Variants in BST1 observed in about 807,000 individuals in gnomAD.
BST1 encodes ADP-ribosyl cyclase/cyclic ADP-ribose hydrolase 2.
A neutral mutation model predicts 40.6 loss-of-function variants in BST1; 49 were observed. That is an observed-to-expected ratio of 1.21 (90% CI 0.96 to 1.53). BST1 has a LOEUF of 1.53. Among genes scored for constraint, BST1 ranks in the 40% most tolerant of loss-of-function variants. BST1 has a pLI of 0.00. For synonymous variants in BST1, 157 were observed against 159.3 expected (o/e 0.99, Z 0.11); for missense variants, 423 against 395.9 (o/e 1.07, Z -0.58).
chr4:15,707,427 C>T lies in BST1; in HGVS notation c.316-84C>T, dbSNP rs1443758679. 6 of 1,559,438 alleles carry T rather than the reference C, an allele frequency of 3.8e-6. No homozygotes were observed. In the African/African-American group the frequency reaches 8.2e-5, roughly 21 times the overall value. On this transcript the variant is annotated intron_variant, in intron 2 of 8. Transcript: ENST00000265016. ...TCAGAGTTGAATGAGAACTGGATTG[C>T]CCAACTTGCCTTGATGATATTGTGC... is the stretch of plus-strand genomic sequence containing the variant.
chr4:15,748,260 A>G, the BST1 span, among the ~76,000 whole-genome samples: 3 of 152,160 alleles, frequency 2.0e-5, no homozygotes, highest in Non-Finnish European at 4.4e-5. Context: ...AAAATAAGGG[A>G]CAGTATTTCC....
At chr4:15,763,624 T>C in the BST1 span, among the ~76,000 whole-genome samples, 1 of 151,936 alleles carries the variant, frequency 6.6e-6, no homozygotes, top group African/African-American at 2.4e-5. Flanking sequence ...TTTTACAATT[T>C]ATTAGAGTAA....
At chr4:15,720,821 G>A (rs79925994) in intron 7 of BST1, among the ~76,000 whole-genome samples, 3 of 151,934 alleles carry the variant, frequency 2.0e-5, no homozygotes, top group Admixed American at 6.6e-5. Context: ...CCTAGCCATC[G>A]CCCCCTCAAA....
At chr4:15,768,485 T>A in the BST1 span, among the ~76,000 whole-genome samples, 1 of 140,754 alleles carries the variant, frequency 7.1e-6, no homozygotes, top group South Asian at 2.4e-4. Flanking sequence ...AGTATCTTTT[T>A]TTTTTTTTTT....
At chr4:15,718,678 C>T (rs1020866570) in intron 6 of BST1, among the ~76,000 whole-genome samples, 2 of 152,182 alleles carry the variant, frequency 1.3e-5, no homozygotes, top group African/African-American at 2.4e-5. Flanking sequence ...TCCCAGTGCT[C>T]CTGGCTGCCC....
intron 1 of BST1, 136 bp from the exon 2 acceptor site, chr4:15,705,379 G>A (rs1577564688): frequency 4.9e-6 from 5 of 1,021,944 alleles, no homozygotes; most frequent in South Asian, 1.6e-5. Context: ...ATGACAATTC[G>A]TTGTCTTTTT....
At chr4:15,715,388 A>G (rs1560281250) in intron 5 of BST1, 27 bp downstream of exon 5, 2 of 1,603,034 alleles carry the variant, frequency 1.2e-6, no homozygotes, top group Admixed American at 3.3e-5. Context: ...ATTCAAACAC[A>G]AGAGAGAATG....
At position 15,719,428 on chromosome 4, in the gene BST1, C is replaced by A. The variant is rs75210657; in HGVS notation, c.791+435C>A. On this transcript the variant is annotated intron_variant, in intron 7 of 8. Coordinates refer to ENST00000265016, the MANE Select transcript of BST1 (RefSeq NM_004334.3). ...ACCAATAGGAAAATAATAATAACTA[C>A]CACTTGGTGAGCAGCTATGGGCCAG... Among the ~76,000 whole-genome samples the A allele has an allele frequency of 7.3e-3, 1,114 of 152,194 alleles. 11 individuals carry two copies. The highest frequency in any genetic ancestry group is 0.025 in the African/African-American group (1,047 of 41,496).
chr4:15,721,460 T>C (rs745784736), intron 7 of BST1, among the ~76,000 whole-genome samples: 7 of 152,144 alleles, frequency 4.6e-5, no homozygotes, highest in East Asian at 3.9e-4. Context: ...ATATACACCA[T>C]GGAATACTAT....
chr4:15,724,281 G>A lies in BST1; in HGVS notation c.851+1347G>A, dbSNP rs187466455. Reference sequence around the variant, plus strand: ...TGCACCATCTATGCCTGTAGGATCCGTTCTTCCATCTACAAGGGAAGAGAA... The same window carrying A: ...TGCACCATCTATGCCTGTAGGATCCATTCTTCCATCTACAAGGGAAGAGAA... On this transcript the variant is annotated intron_variant, in intron 8 of 8. Transcript: ENST00000265016. 7.9e-5 allele frequency among the ~76,000 whole-genome samples: 12 copies of A among 152,318 alleles called. No individual in the cohort carries two copies. In the East Asian group the frequency reaches 1.9e-3, roughly 24 times the overall value.
chr4:15,710,206 T>C lies in BST1; in HGVS notation c.452-1601T>C, dbSNP rs550930377. On this transcript the variant is annotated intron_variant, in intron 3 of 8. Coordinates refer to ENST00000265016, the MANE Select transcript of BST1 (RefSeq NM_004334.3). ...CCAGGCTGGTCTTGAACTCCTGACT[T>C]CAAATAATCCTCCTGCCTCAGCCTC... Among the ~76,000 whole-genome samples, 4 of 152,250 alleles carry C rather than the reference T, an allele frequency of 2.6e-5. No individual in the cohort carries two copies. The East Asian group carries it at 7.7e-4, about 29-fold the overall frequency.
chr4:15,768,480 C>CT, the BST1 span, among the ~76,000 whole-genome samples: 4,113 of 91,046 alleles, frequency 0.045, 160 homozygotes, highest in African/African-American at 0.068. Flanking sequence ...TGGACAGTAT[C>CT]TTTTTTTTTT....
At chr4:15,765,317 T>C in the BST1 span, among the ~76,000 whole-genome samples, 2 of 151,996 alleles carry the variant, frequency 1.3e-5, no homozygotes, top group Admixed American at 6.5e-5. Flanking sequence ...TCCGGTCTGT[T>C]GTACCTTTAA....
At chr4:15,754,078 T>TG in the BST1 span, among the ~76,000 whole-genome samples, 7 of 152,040 alleles carry the variant, frequency 4.6e-5, no homozygotes, top group Admixed American at 6.6e-5. Flanking sequence ...GAAGGCCAAG[T>TG]GGGGGGGTGT....
At chr4:15,703,951 T>C (rs1719721526) in intron 1 of BST1, among the ~76,000 whole-genome samples, 1 of 143,338 alleles carries the variant, frequency 7.0e-6, no homozygotes, top group African/African-American at 2.6e-5. Context: ...GGGGTGTGTG[T>C]GTTCTAGAAG....
At chr4:15,738,393 G>A (rs1721644822), downstream of BST1, 1 of 152,588 alleles carries the variant, frequency 6.6e-6, no homozygotes, top group Non-Finnish European at 1.5e-5. Flanking sequence ...AAGAGAGTCG[G>A]TCAGTCTGGT....
At chr4:15,731,585 G>T in intron 8 of BST1, 155 bp from the exon 9 acceptor site, 1 of 1,127,178 alleles carries the variant, frequency 8.9e-7, no homozygotes, top group South Asian at 1.3e-5. Context: ...AGGACTTCGC[G>T]CACCGCCTCC....
chr4:15,729,700 C>A (rs1258320360), intron 8 of BST1, among the ~76,000 whole-genome samples: 1 of 152,072 alleles, frequency 6.6e-6, no homozygotes, highest in Non-Finnish European at 1.5e-5. Context: ...CAGTTACCCC[C>A]TCAAGTATAG....
At chr4:15,749,079 G>A in the BST1 span, among the ~76,000 whole-genome samples, 4 of 152,300 alleles carry the variant, frequency 2.6e-5, no homozygotes, top group East Asian at 7.7e-4. Context: ...ATTTCTCAGA[G>A]TTAATTAATC....
Sources: gnomAD v4.1 joint callset for allele counts (sites outside exome capture counted in the v4.1 genomes callset) on GRCh38, gnomAD v4.1.1 for gene constraint, MANE v1.5 for transcripts, NCBI Gene and HGNC (gene_info 2026-07-23, HGNC 2026-07-21) for gene names.